NUP205: variants seen among roughly 807,000 people sequenced by gnomAD.
The protein encoded by NUP205 is nucleoporin 205.
Under a neutral mutation model 253.8 loss-of-function variants are expected in NUP205, and 76 were observed. That is an observed-to-expected ratio of 0.30 (90% CI 0.25 to 0.36). The LOEUF is 0.36. Ranked by LOEUF, NUP205 falls within the 10% of genes least tolerant of loss-of-function variation. The probability of loss-of-function intolerance (pLI) is 1.00; values close to 1 mark genes in which losing one functional copy is unlikely to be tolerated. For missense variants in NUP205, 2,162 were observed against 2,425.5 expected (o/e 0.89, Z 2.28); for synonymous variants, 832 against 850.1 (o/e 0.98, Z 0.37).
rs180808466 is a variant in NUP205, at chr7:135,570,599, T to C, written c.29-506T>C. 2.8e-5 allele frequency among the ~76,000 whole-genome samples: 4 copies of C among 145,272 alleles called. No individual in the cohort carries two copies. In the East Asian group the frequency reaches 7.8e-4, roughly 28 times the overall value. ...AGAATTTTAATAAACTATGCTTTTA[T>C]ATTAGTGTCTCTTAATCAGTTACAA... On this transcript the variant is annotated intron_variant, in intron 1 of 42. Coordinates refer to ENST00000285968, the MANE Select transcript of NUP205 (RefSeq NM_015135.3).
intron 1 of NUP205, among the ~76,000 whole-genome samples, chr7:135,567,122 ATGTG>A (rs144618990): frequency 0.26 from 8,138 of 31,248 alleles, 1,222 homozygotes; most frequent in East Asian, 0.38. Context: ...TGCTCAGTCT[ATGTG>A]TGTATATATA....
intron 23 of NUP205, among the ~76,000 whole-genome samples, chr7:135,615,476 A>C (rs1226151441): frequency 6.6e-6 from 1 of 152,202 alleles, no homozygotes; most frequent in Non-Finnish European, 1.5e-5. Flanking sequence ...CCACATCATT[A>C]ATTGAGGTAT....
At chr7:135,587,833 A>G in intron 9 of NUP205, 22 bp from the exon 10 acceptor site, 1 of 1,595,392 alleles carries the variant, frequency 6.3e-7, no homozygotes, top group Non-Finnish European at 8.5e-7. Flanking sequence ...ATTTCCCTAC[A>G]GTCTTTGCTT....
intron 19 of NUP205, among the ~76,000 whole-genome samples, chr7:135,605,124 C>G (rs1481504340): frequency 6.6e-6 from 1 of 151,970 alleles, no homozygotes; most frequent in Non-Finnish European, 1.5e-5. Context: ...GGCACAATCT[C>G]AGCTCACTGC....
chr7:135,567,425 CAAAAAAAAAAAAAA>C (rs760535798), intron 1 of NUP205, among the ~76,000 whole-genome samples: 14 of 65,014 alleles, frequency 2.2e-4, no homozygotes, highest in Non-Finnish European at 3.1e-4. Context: ...CTGTCTATAC[CAAAAAAAAAAAAAA>C]AAAAAAAAGC....
chr7:135,619,310 C>G (rs980135079), intron 28 of NUP205, 113 bp from the exon 29 acceptor site: 1 of 1,153,222 alleles, frequency 8.7e-7, no homozygotes, highest in Non-Finnish European at 1.2e-6. Context: ...CTACTGCACT[C>G]CAGCCTCGGT....
intron 7 of NUP205, among the ~76,000 whole-genome samples, chr7:135,581,609 T>G (rs535878345): frequency 3.9e-5 from 6 of 152,050 alleles, no homozygotes; most frequent in African/African-American, 1.4e-4. Flanking sequence ...CCCAGCACTT[T>G]GGGAGGATGA....
intron 34 of NUP205, among the ~76,000 whole-genome samples, chr7:135,628,640 C>T (rs542303148): frequency 6.6e-6 from 1 of 152,356 alleles, no homozygotes; most frequent in African/African-American, 2.4e-5. Context: ...GAAACACTAA[C>T]ATTCCAACAC....
chr7:135,576,510 A>T, intron 4 of NUP205, 96 bp downstream of exon 4: 1 of 1,035,114 alleles, frequency 9.7e-7, no homozygotes, highest in Non-Finnish European at 1.4e-6. Context: ...AATATGTAAC[A>T]TAAGCTGAGT....
chr7:135,585,195 A>G (rs1458335451), intron 8 of NUP205, among the ~76,000 whole-genome samples, 188 bp downstream of exon 8: 1 of 152,140 alleles, frequency 6.6e-6, no homozygotes, highest in Non-Finnish European at 1.5e-5. Flanking sequence ...TCTCTACAAG[A>G]TATGAGAACA....
At chr7:135,638,904 G>A (rs1471269436) in intron 38 of NUP205, among the ~76,000 whole-genome samples, 2 of 152,186 alleles carry the variant, frequency 1.3e-5, no homozygotes, top group Non-Finnish European at 2.9e-5. Flanking sequence ...AGTAAATCTA[G>A]AGGAACCATG....
chr7:135,641,085 G>T (rs1391902930), intron 38 of NUP205, among the ~76,000 whole-genome samples: 1 of 152,136 alleles, frequency 6.6e-6, no homozygotes, highest in Non-Finnish European at 1.5e-5. Flanking sequence ...ACCATGGGGG[G>T]ATTCCAATAT....
rs1469070562 is a variant in NUP205, at chr7:135,606,920, A to C, written c.3070+5A>C. The stretch of plus-strand genomic sequence containing the variant: ...CTACAAACCTACAAGATCCAGGTAT[A>C]GCCTAAGACATAAAGGCATTTCTTT... On this transcript the variant is annotated splice_donor_5th_base_variant and intron_variant, in intron 21 of 42. Coordinates refer to ENST00000285968, the MANE Select transcript of NUP205 (RefSeq NM_015135.3). 45 of 1,611,768 alleles carry C rather than the reference A, an allele frequency of 2.8e-5. No homozygotes were observed. Among genetic ancestry groups the C allele is most frequent in the Non-Finnish European group, 3.6e-5 (43 of 1,178,638 alleles).
intron 14 of NUP205, chr7:135,597,739 T>G (rs1210704919): frequency 2.2e-6 from 1 of 463,980 alleles, no homozygotes; most frequent in Non-Finnish European, 3.8e-6. Flanking sequence ...TAATTCTCCC[T>G]CTCTTTTAAA....
At position 135,602,788 on chromosome 7, in the gene NUP205, T is replaced by C; in HGVS notation, c.2513-17T>C. On this transcript the variant is annotated splice_polypyrimidine_tract_variant and intron_variant, in intron 17 of 42. Coordinates refer to ENST00000285968, the MANE Select transcript of NUP205 (RefSeq NM_015135.3). Reference sequence around the variant, plus strand: ...AAGATAAATTTAGAACTTTCTAACTTTATTTTTGGTTGATAGGGAAAAAAC... The same window carrying C: ...AAGATAAATTTAGAACTTTCTAACTCTATTTTTGGTTGATAGGGAAAAAAC... The C allele has an allele frequency of 1.3e-6, 2 of 1,590,630 alleles. No homozygotes were observed. The highest frequency in any genetic ancestry group is 1.8e-5 in the Admixed American group (1 of 55,278).
In NUP205 at chr7:135,587,962, G is replaced by C; in HGVS notation, c.1443G>C (p.Gly481=). 1 of 1,613,670 alleles carries C rather than the reference G, an allele frequency of 6.2e-7. No homozygotes were observed. The highest frequency in any genetic ancestry group is 8.5e-7 in the Non-Finnish European group (1 of 1,179,872). ...CGACTATCATGGGCTCTTATCTAGG[G>C]GTGGCTCATCAGCGGCCCCCTCAAC... ...QTPTIMGSYL[G]VAHQRPPQRQ... The change falls in exon 10 of 43, where the codon GGG becomes GGC. Residue 481 remains glycine (G), a synonymous_variant. Transcript: ENST00000285968.
In NUP205 at chr7:135,617,277, A is replaced by G. The variant is rs758875651; in HGVS notation, c.3690+30A>G. The G allele has an allele frequency of 2.5e-6, 4 of 1,592,828 alleles. No individual in the cohort carries two copies. The East Asian group carries it at 9.0e-5, about 36-fold the overall frequency. ...GGATTGCTTTAAAGTACATATCTGC[A>G]GTGTCAAGTGGCTCAGACTTTAAGT... On this transcript the variant is annotated intron_variant, in intron 26 of 42. Coordinates refer to ENST00000285968, the MANE Select transcript of NUP205 (RefSeq NM_015135.3).
At chr7:135,612,093 C>T (rs558933167) in intron 22 of NUP205, among the ~76,000 whole-genome samples, 1 of 151,950 alleles carries the variant, frequency 6.6e-6, no homozygotes, top group Non-Finnish European at 1.5e-5. Context: ...GCACTCCAGC[C>T]TGAGCGACAG....
chr7:135,559,249 G>A (rs887127135), intron 1 of NUP205, among the ~76,000 whole-genome samples: 23 of 152,188 alleles, frequency 1.5e-4, no homozygotes, highest in African/African-American at 4.8e-4. Flanking sequence ...GATATTAGAC[G>A]TATATATTAG....
Sources: allele counts gnomAD v4.1 joint callset (sites outside exome capture counted in the v4.1 genomes callset), GRCh38; gene constraint gnomAD v4.1.1; transcripts MANE v1.5; gene names NCBI Gene and HGNC (gene_info 2026-07-23, HGNC 2026-07-21).